The following LYPLA1 variants were observed in gnomAD, a reference collection of about 807,000 sequenced individuals.
LYPLA1 encodes acyl-protein thioesterase 1.
In LYPLA1, 17 loss-of-function variants were observed where a neutral mutation model predicts 34.0. The ratio of observed to expected loss-of-function variants is 0.50; its 90% CI spans 0.34 to 0.75. The LOEUF (loss-of-function observed/expected upper bound fraction) is 0.75, where lower values mean the gene tolerates loss of function less well. Among genes scored for constraint, LYPLA1 ranks in the 30% least tolerant of loss-of-function variants. The pLI is 0.01. For synonymous variants in LYPLA1, 98 were observed against 100.8 expected, an observed-to-expected ratio of 0.97 and a Z score of 0.17; for missense variants, 203 against 288.8, an observed-to-expected ratio of 0.70 and a Z score of 2.15.
intron 2 of LYPLA1, among the ~76,000 whole-genome samples, chr8:54,079,243 G>C (rs935881074): frequency 1.3e-5 from 2 of 152,138 alleles, no homozygotes; most frequent in African/African-American, 4.8e-5. Context: ...GCCTCCAAAA[G>C]TGCTGGGATT....
chr8:54,055,201 G>A, intron 5 of LYPLA1, 68 bp from the exon 6 acceptor site: 1 of 877,946 alleles, frequency 1.1e-6, no homozygotes, highest in Non-Finnish European at 1.8e-6. Flanking sequence ...ATTTAAATTA[G>A]GAAAAAATTA....
intron 2 of LYPLA1, among the ~76,000 whole-genome samples, chr8:54,090,927 C>A (rs1427875823): frequency 6.6e-6 from 1 of 152,172 alleles, no homozygotes; most frequent in Non-Finnish European, 1.5e-5. Flanking sequence ...CTCCTGCCAC[C>A]CTGTGAAGAG....
At chr8:54,063,069 C>G (rs1302950679) in intron 4 of LYPLA1, among the ~76,000 whole-genome samples, 2 of 152,070 alleles carry the variant, frequency 1.3e-5, no homozygotes, top group Non-Finnish European at 2.9e-5. Context: ...TTACTAAAAC[C>G]AACAAAGGTT....
chr8:54,085,219 C>A (rs990464931), intron 2 of LYPLA1, among the ~76,000 whole-genome samples: 1 of 152,250 alleles, frequency 6.6e-6, no homozygotes, highest in Non-Finnish European at 1.5e-5. Context: ...AGCTCCTGAC[C>A]GCGAGTGATC....
At chr8:54,094,523 G>C (rs1809533387) in intron 2 of LYPLA1, among the ~76,000 whole-genome samples, 1 of 152,134 alleles carries the variant, frequency 6.6e-6, no homozygotes, top group Non-Finnish European at 1.5e-5. Flanking sequence ...GCAATTGGAG[G>C]AATCATTATA....
intron 2 of LYPLA1, among the ~76,000 whole-genome samples, chr8:54,087,953 G>T (rs998075232): frequency 6.6e-6 from 1 of 152,178 alleles, no homozygotes; most frequent in Non-Finnish European, 1.5e-5. Flanking sequence ...GTTTCCATTG[G>T]CTGGAACGGG....
chr8:54,047,921 T>C lies in LYPLA1; in HGVS notation c.*144A>G. 1.9e-6 allele frequency: 1 copy of C among 529,896 alleles called. No individual in the cohort carries two copies. The highest frequency in any genetic ancestry group is 3.3e-6 in the Non-Finnish European group (1 of 298,556). The allele number at this position is 529,896 out of a possible 1,614,324, so 32.8% of individuals were successfully genotyped here. A position where few individuals can be genotyped will look rare whatever the true frequency, so the allele number is the denominator to read the frequency against. ...ATCATAAATTTCTCATGAGGAGATA[T>C]TATTTGATCTGTGTTATTGGCATGT... On this transcript the variant is annotated 3_prime_UTR_variant, in exon 9 of 9. Transcript: ENST00000316963.
intron 2 of LYPLA1, among the ~76,000 whole-genome samples, chr8:54,099,976 G>A (rs935669977): frequency 6.6e-6 from 1 of 152,006 alleles, no homozygotes; most frequent in Non-Finnish European, 1.5e-5. Context: ...GAGCCACCGC[G>A]CCCGGCCCCA....
chr8:54,051,808 GTTGT>G (rs887993533), intron 7 of LYPLA1, among the ~76,000 whole-genome samples: 3 of 149,816 alleles, frequency 2.0e-5, no homozygotes, highest in Non-Finnish European at 4.4e-5. Context: ...TGTTTGGTTG[GTTGT>G]TTTAGTATTT....
intron 2 of LYPLA1, among the ~76,000 whole-genome samples, chr8:54,080,481 G>T (rs995330046): frequency 6.6e-6 from 1 of 152,174 alleles, no homozygotes; most frequent in Non-Finnish European, 1.5e-5. Context: ...GCTGGCCAAG[G>T]CAGATGACAG....
intron 5 of LYPLA1, among the ~76,000 whole-genome samples, chr8:54,057,621 AC>A (rs1806301907): frequency 6.6e-6 from 1 of 152,172 alleles, no homozygotes; most frequent in Non-Finnish European, 1.5e-5. Context: ...AACTGAACTA[AC>A]AGACACAGAC....
intron 3 of LYPLA1, among the ~76,000 whole-genome samples, chr8:54,064,579 C>A (rs192579427): frequency 6.6e-5 from 10 of 152,202 alleles, no homozygotes; most frequent in Non-Finnish European, 1.5e-4. Context: ...ATCTTCTCAG[C>A]TGTTATTCTT....
At chr8:54,058,456 A>G (rs1806358914) in intron 5 of LYPLA1, among the ~76,000 whole-genome samples, 1 of 152,172 alleles carries the variant, frequency 6.6e-6, no homozygotes. Context: ...AGACAGGAGA[A>G]TAACTTGAAC....
chr8:54,085,794 C>A (rs1340212104), intron 2 of LYPLA1, among the ~76,000 whole-genome samples: 1 of 132,210 alleles, frequency 7.6e-6, no homozygotes, highest in Admixed American at 7.2e-5. Context: ...GGCCAGCCGC[C>A]CCGTCCGCGA....
chr8:54,048,380 G>C (rs529363503), intron 8 of LYPLA1, among the ~76,000 whole-genome samples: 18 of 152,114 alleles, frequency 1.2e-4, no homozygotes, highest in Non-Finnish European at 1.2e-4. Flanking sequence ...TAAGACACTG[G>C]GGGGCAGGGA....
intron 5 of LYPLA1, 101 bp downstream of exon 5, chr8:54,062,153 C>A (rs543415372): frequency 1.2e-6 from 1 of 837,370 alleles, no homozygotes; most frequent in East Asian, 3.0e-5. Context: ...CCACCGTGCC[C>A]GGCCCAAATG....
At chr8:54,057,260 CAAAA>C (rs2129328310) in intron 5 of LYPLA1, among the ~76,000 whole-genome samples, 1 of 152,140 alleles carries the variant, frequency 6.6e-6, no homozygotes, top group African/African-American at 2.4e-5. Context: ...GATATATACT[CAAAA>C]GAAAGTATCT....
chr8:54,090,113 G>A (rs1809116263), intron 2 of LYPLA1, among the ~76,000 whole-genome samples: 1 of 152,222 alleles, frequency 6.6e-6, no homozygotes, highest in Non-Finnish European at 1.5e-5. Flanking sequence ...TCATAGCTCT[G>A]GGAACAGAAT....
chr8:54,056,805 T>C (rs1460411650), intron 5 of LYPLA1, among the ~76,000 whole-genome samples: 2 of 151,940 alleles, frequency 1.3e-5, no homozygotes, highest in Non-Finnish European at 2.9e-5. Context: ...CGCAGCTACT[T>C]GGGAGGCTGA....
Sources: allele counts gnomAD v4.1 joint callset (sites outside exome capture counted in the v4.1 genomes callset), GRCh38; gene constraint gnomAD v4.1.1; transcripts MANE v1.5; gene names NCBI Gene and HGNC (gene_info 2026-07-23, HGNC 2026-07-21).